The following TRPM1 variants were observed in gnomAD, a reference collection of about 807,000 sequenced individuals.
TRPM1 encodes transient receptor potential cation channel subfamily M member 1, also known as TRPM1-203 APA Isoform, Intron 10.
A neutral mutation model predicts 149.4 loss-of-function variants in TRPM1; 113 were observed. The ratio of observed to expected loss-of-function variants is 0.76; its 90% CI spans 0.65 to 0.88. The LOEUF is 0.88. Ranked by LOEUF, TRPM1 falls within the 40% of genes least tolerant of loss-of-function variation. TRPM1 has a pLI of 0.00. For missense variants in TRPM1, 1,976 were observed against 2,038.7 expected (o/e 0.97, Z 0.59); for synonymous variants, 741 against 759.5 (o/e 0.98, Z 0.40).
At chr15:31,094,852 C>T (rs944468352) in intron 1 of TRPM1, among the ~76,000 whole-genome samples, 2 of 152,182 alleles carry the variant, frequency 1.3e-5, no homozygotes, top group African/African-American at 4.8e-5. Flanking sequence ...TACCATATGA[C>T]CCAGCAATTT....
intron 1 of TRPM1, among the ~76,000 whole-genome samples, chr15:31,109,878 G>A (rs1264543813): frequency 6.6e-6 from 1 of 152,076 alleles, no homozygotes; most frequent in African/African-American, 2.4e-5. Context: ...GACGGGCGAT[G>A]GGCAAAGAAA....
Position 31,063,296 on chromosome 15 carries a change from C to T in TRPM1, c.791-4G>A. 6.2e-7 allele frequency: 1 copy of T among 1,614,148 alleles called. No individual in the cohort carries two copies. Among genetic ancestry groups the T allele is most frequent in the Non-Finnish European group, 8.5e-7 (1 of 1,180,030 alleles). ...AGGGGCACGCCCTGCCCCAGTCCTGCAACACAAACCACATTCGCCCATACC... is the reference window on the plus strand; with the variant it reads ...AGGGGCACGCCCTGCCCCAGTCCTGTAACACAAACCACATTCGCCCATACC... On this transcript the variant is annotated splice_polypyrimidine_tract_variant and splice_region_variant and intron_variant, in intron 7 of 27. Transcript: ENST00000256552.
chr15:31,144,187 C>A (rs969721531), intron 1 of TRPM1, among the ~76,000 whole-genome samples: 2 of 152,170 alleles, frequency 1.3e-5, no homozygotes, highest in African/African-American at 2.4e-5. Flanking sequence ...CACCTGTAAT[C>A]CCAGCACTCT....
upstream of TRPM1, among the ~76,000 whole-genome samples, chr15:31,103,325 C>G (rs961395924): frequency 6.6e-6 from 1 of 152,232 alleles, no homozygotes; most frequent in East Asian, 1.9e-4. Flanking sequence ...ACAGTGGCCA[C>G]AGGCCACGCG....
chr15:31,106,913 T>C (rs28407352), intron 1 of TRPM1, among the ~76,000 whole-genome samples: 6,380 of 152,340 alleles, frequency 0.042, 173 homozygotes, highest in Non-Finnish European at 0.061. Flanking sequence ...GTCCTTGTTT[T>C]CCCACAGCCT....
intron 1 of TRPM1, among the ~76,000 whole-genome samples, chr15:31,091,080 C>T (rs2035224402): frequency 6.6e-6 from 1 of 152,222 alleles, no homozygotes; most frequent in Non-Finnish European, 1.5e-5. Flanking sequence ...AATAGTTCTG[C>T]TTCTGTTTCA....
intron 27 of TRPM1, among the ~76,000 whole-genome samples, chr15:31,008,568 G>C (rs545477398): frequency 6.6e-6 from 1 of 152,254 alleles, no homozygotes; most frequent in South Asian, 2.1e-4. Context: ...GACTCAATTT[G>C]CTAGTATTTT....
intron 23 of TRPM1, among the ~76,000 whole-genome samples, chr15:31,030,356 C>G (rs183908191): frequency 7.5e-6 from 1 of 133,938 alleles, no homozygotes; most frequent in Admixed American, 6.8e-5. Flanking sequence ...ATTCAACTGT[C>G]CTGGTAAATA....
chr15:31,151,241 TG>T (rs1567081924), intron 1 of TRPM1, among the ~76,000 whole-genome samples: 3 of 152,184 alleles, frequency 2.0e-5, no homozygotes, highest in Admixed American at 6.5e-5. Context: ...TCTAACACTC[TG>T]GTGAGGGTTG....
At chr15:31,057,489 A>C (rs1016017035) in intron 11 of TRPM1, among the ~76,000 whole-genome samples, 1 of 152,186 alleles carries the variant, frequency 6.6e-6, no homozygotes, top group Non-Finnish European at 1.5e-5. Flanking sequence ...CCCCCATGAC[A>C]CAAGTTTACC....
intron 12 of TRPM1, 115 bp from the exon 13 acceptor site, chr15:31,049,624 A>G: frequency 8.6e-7 from 1 of 1,165,568 alleles, no homozygotes; most frequent in Non-Finnish European, 1.3e-6. Flanking sequence ...AGAGCACTCC[A>G]GCATGGTACT....
At chr15:31,105,683 A>T (rs1303798800), upstream of TRPM1, among the ~76,000 whole-genome samples, 2 of 152,224 alleles carry the variant, frequency 1.3e-5, no homozygotes, top group Non-Finnish European at 2.9e-5. Context: ...TATTGCTAAC[A>T]GTACTGGAAG....
intron 2 of TRPM1, among the ~76,000 whole-genome samples, chr15:31,077,852 C>G (rs118171162): frequency 2.0e-5 from 3 of 151,082 alleles, no homozygotes; most frequent in Admixed American, 6.6e-5. Flanking sequence ...TGGGTGTGTG[C>G]GCACGCATGT....
At chr15:31,065,969 G>T in intron 7 of TRPM1, 107 bp downstream of exon 7, 2 of 1,367,600 alleles carry the variant, frequency 1.5e-6, no homozygotes, top group Admixed American at 2.0e-5. Context: ...CTAACAAGAA[G>T]CAAGGTTAAT....
chr15:31,062,775 T>G, intron 8 of TRPM1, 73 bp from the exon 9 acceptor site: 6 of 1,533,374 alleles, frequency 3.9e-6, no homozygotes, highest in Non-Finnish European at 5.4e-6. Flanking sequence ...GACATATCTC[T>G]GTCTTTGATT....
intron 1 of TRPM1, among the ~76,000 whole-genome samples, chr15:31,147,917 G>A (rs994528458): frequency 3.3e-5 from 5 of 152,192 alleles, no homozygotes; most frequent in Non-Finnish European, 7.3e-5. Context: ...TTCGGTTTAC[G>A]GCTTCTGATC....
At chr15:31,070,521 C>T (rs1003782446) in intron 3 of TRPM1, 1 of 630,206 alleles carries the variant, frequency 1.6e-6, no homozygotes, top group Non-Finnish European at 2.9e-6. Context: ...AAGTACTAAA[C>T]ATTCTGTGAC....
At chr15:31,076,123 A>G (rs1195217406) in intron 3 of TRPM1, among the ~76,000 whole-genome samples, 2 of 124,108 alleles carry the variant, frequency 1.6e-5, no homozygotes, top group African/African-American at 2.5e-5. Context: ...GGCATTTCTT[A>G]CCTCGGGGGG....
At position 31,067,783 on chromosome 15, in the gene TRPM1, T is replaced by C. The variant is rs865835055; in HGVS notation, c.493+96A>G. The C allele has an allele frequency of 2.5e-6, 3 of 1,190,800 alleles. No homozygotes were observed. In the East Asian group the frequency reaches 7.0e-5, roughly 28 times the overall value. The allele number at this position is 1,190,800 out of a possible 1,614,324, so 73.8% of individuals were successfully genotyped here. On this transcript the variant is annotated intron_variant, in intron 5 of 27. Coordinates refer to ENST00000256552, the MANE Select transcript of TRPM1 (RefSeq NM_001252024.2). ...TCATAAATAGGATCAGGATGCAATA[T>C]GTTTTGTTGTCCTTAGTTATTAGGA...
Sources: gnomAD v4.1 joint callset for allele counts (sites outside exome capture counted in the v4.1 genomes callset) on GRCh38, gnomAD v4.1.1 for gene constraint, MANE v1.5 for transcripts, NCBI Gene and HGNC (gene_info 2026-07-23, HGNC 2026-07-21) for gene names.